The following OSBPL7 variants were observed in gnomAD, a reference collection of about 807,000 sequenced individuals.
OSBPL7 encodes the protein oxysterol-binding protein-related protein 7.
OSBPL7 carries 66 observed loss-of-function variants against 115.8 expected under a neutral mutation model. The observed-to-expected ratio is 0.57, with a 90% CI of 0.47 to 0.70. The LOEUF is 0.70. Among genes scored for constraint, OSBPL7 ranks in the 30% least tolerant of loss-of-function variants. The probability of loss-of-function intolerance (pLI) is 0.00; values close to 1 mark genes in which losing one functional copy is unlikely to be tolerated. For synonymous variants in OSBPL7, 441 were observed against 439.2 expected (o/e 1.00, Z -0.05); for missense variants, 902 against 1,125.5 (o/e 0.80, Z 2.84).
chr17:47,818,851 A>G lies in OSBPL7; in HGVS notation c.369+135T>C, dbSNP rs554099809. ...CAGGTTTGCCCTTGGCTGTTTTTAC[A>G]GGATGGAAACTTACTTTTTGTCAAA... is the stretch of plus-strand genomic sequence containing the variant. On this transcript the variant is annotated intron_variant, in intron 5 of 22. Coordinates refer to ENST00000007414, the MANE Select transcript of OSBPL7 (RefSeq NM_145798.3). 1.3e-5 allele frequency: 11 copies of G among 859,116 alleles called. No individual in the cohort carries two copies. The African/African-American group carries it at 1.7e-4, about 13-fold the overall frequency. The allele number at this position is 859,116 out of a possible 1,614,324, so 53.2% of individuals were successfully genotyped here.
At position 47,816,270 on chromosome 17, in the gene OSBPL7, C is replaced by T; in HGVS notation, c.1024-68G>A. On this transcript the variant is annotated intron_variant, in intron 11 of 22. Coordinates refer to ENST00000007414, the MANE Select transcript of OSBPL7 (RefSeq NM_145798.3). The surrounding 1 kb of genome is among the most constrained non-coding windows in gnomAD (Gnocchi z 5.8). The stretch of plus-strand genomic sequence containing the variant: ...TCCTCCCCACCTTGCCGCATCTCTG[C>T]AGAGACTGCCTCTGCCAACCCCCCA... 2 of 1,503,896 alleles carry T rather than the reference C, an allele frequency of 1.3e-6. No homozygotes were observed. Among genetic ancestry groups the T allele is most frequent in the Non-Finnish European group, 1.8e-6 (2 of 1,113,148 alleles). The allele number at this position is 1,503,896 out of a possible 1,614,324, so 93.2% of individuals were successfully genotyped here. A position where few individuals can be genotyped will look rare whatever the true frequency, so the allele number is the denominator to read the frequency against.
chr17:47,808,420 C>T lies in OSBPL7; in HGVS notation c.2421-21G>A, dbSNP rs376957469. The T allele has an allele frequency of 8.1e-6, 13 of 1,613,714 alleles. No individual in the cohort carries two copies. In the African/African-American group the frequency reaches 1.5e-4, roughly 18 times the overall value. ...GCCGCCTGGTGGGAGAAGGCGGTGG[C>T]AGTGAGGGGTGAACATCTAGAAGGC... On this transcript the variant is annotated intron_variant, in intron 22 of 22. Transcript: ENST00000007414. The surrounding 1 kb of genome is among the most constrained non-coding windows in gnomAD (Gnocchi z 6.1).
intron 2 of OSBPL7, 33 bp from the exon 3 acceptor site, chr17:47,820,129 G>A: frequency 1.2e-6 from 2 of 1,613,328 alleles, no homozygotes; most frequent in Non-Finnish European, 1.7e-6. Flanking sequence ...GGGAGCACTG[G>A]TGAGACGTCC....
At position 47,816,992 on chromosome 17, in the gene OSBPL7, C is replaced by A; in HGVS notation, c.703-120G>T. The A allele has an allele frequency of 3.0e-6, 3 of 1,001,464 alleles. No homozygotes were observed. Among genetic ancestry groups the A allele is most frequent in the South Asian group, 1.3e-5 (1 of 74,782 alleles). 62.0% of individuals were successfully genotyped at this position (1,001,464 alleles called of 1,614,324 possible). A position where few individuals can be genotyped will look rare whatever the true frequency, so the allele number is the denominator to read the frequency against. On this transcript the variant is annotated intron_variant, in intron 8 of 22. Coordinates refer to ENST00000007414, the MANE Select transcript of OSBPL7 (RefSeq NM_145798.3). This position sits in a 1 kb window ranked among gnomAD's most constrained non-coding sequence, Gnocchi z 5.8. ...ATGGAGGAGGGCGCAGATTACCCAG[C>A]ACAGAGGATGCGGCCGCTCAGGCAG... is the stretch of plus-strand genomic sequence containing the variant.
chr17:47,810,548 G>A (rs374765134), intron 18 of OSBPL7, 46 bp downstream of exon 18: 7 of 1,550,700 alleles, frequency 4.5e-6, no homozygotes, highest in African/African-American at 1.4e-5. Flanking sequence ...CAGCCTGAAG[G>A]ATTGCCTGTG....
At chr17:47,811,762 C>A (rs1277283309) in intron 16 of OSBPL7, among the ~76,000 whole-genome samples, 3 of 152,208 alleles carry the variant, frequency 2.0e-5, no homozygotes, top group Non-Finnish European at 4.4e-5. Flanking sequence ...GCTGCCCACT[C>A]CTCCTCCTTC....
In OSBPL7 at chr17:47,820,237, G is replaced by C; in HGVS notation, c.42C>G (p.Ser14Arg). The stretch of plus-strand genomic sequence containing the variant: ...CACTGCTGGGCTTTGAGGACTGAGC[G>C]CTCTCAGGCAGGAAGGGCGGGTCCC... The part of the protein sequence containing the change: ...QERDPPFLPE[S>R]AQSSKPSSAQ... The change falls in exon 2 of 23, where the codon AGC becomes AGG. Residue 14 changes from serine (S) to arginine (R), a missense_variant. Physicochemically the swap from Ser to Arg is moderately radical, Grantham distance 110 (BLOSUM62 -1). Coordinates refer to ENST00000007414, the MANE Select transcript of OSBPL7 (RefSeq NM_145798.3). 1 of 1,613,986 alleles carries C rather than the reference G, an allele frequency of 6.2e-7. No individual in the cohort carries two copies. The highest frequency in any genetic ancestry group is 8.5e-7 in the Non-Finnish European group (1 of 1,179,974).
intron 5 of OSBPL7, 41 bp from the exon 6 acceptor site, chr17:47,818,657 G>A (rs1249933934): frequency 6.5e-7 from 1 of 1,537,248 alleles, no homozygotes; most frequent in South Asian, 1.1e-5. Flanking sequence ...TCTGAAGAGA[G>A]GGACCACTTT....
rs1337010372 is a variant in OSBPL7 at position 47,820,356 on chromosome 17, T to C, written c.-78A>G. 1.2e-5 allele frequency: 17 copies of C among 1,408,914 alleles called. No individual in the cohort carries two copies. The highest frequency in any genetic ancestry group is 3.9e-6 in the Non-Finnish European group (4 of 1,032,186). 87.3% of individuals were successfully genotyped at this position (1,408,914 alleles called of 1,614,324 possible). A position where few individuals can be genotyped will look rare whatever the true frequency, so the allele number is the denominator to read the frequency against. ...GAAGGGGAAGGATGTCACCTGCTCC[T>C]GACGGGGTCCTTGAAGCAAGAGAAA... On this transcript the variant is annotated 5_prime_UTR_variant, in exon 2 of 23. Transcript: ENST00000007414.
chr17:47,817,705 C>T (rs2033269591), intron 7 of OSBPL7, among the ~76,000 whole-genome samples: 2 of 152,108 alleles, frequency 1.3e-5, no homozygotes, highest in South Asian at 4.2e-4. Context: ...GGACATGACT[C>T]TCCCAACACT....
In OSBPL7 at chr17:47,818,931, C is replaced by A. The variant is rs142412455; in HGVS notation, c.369+55G>T. 4.1e-6 allele frequency: 6 copies of A among 1,462,262 alleles called. No homozygotes were observed. The African/African-American group carries it at 6.9e-5, about 17-fold the overall frequency. The allele number at this position is 1,462,262 out of a possible 1,614,324, so 90.6% of individuals were successfully genotyped here. A position where few individuals can be genotyped will look rare whatever the true frequency, so the allele number is the denominator to read the frequency against. ...CCTCAGCCCCTGCCCCTGTGTGTTC[C>A]AATGCCTCTGTCAGGTTGGGGGCCA... On this transcript the variant is annotated intron_variant, in intron 5 of 22. Coordinates refer to ENST00000007414, the MANE Select transcript of OSBPL7 (RefSeq NM_145798.3).
chr17:47,815,686 A>C (rs1598021065), intron 12 of OSBPL7: 1 of 334,000 alleles, frequency 3.0e-6, no homozygotes, highest in Non-Finnish European at 5.5e-6. Context: ...TATCACCCCC[A>C]CTTTGCAGAT....
Position 47,816,357 on chromosome 17 carries a change from C to T in OSBPL7, c.1023+31G>A, listed in dbSNP as rs141030924. 2.1e-4 allele frequency: 316 copies of T among 1,489,602 alleles called. No individual in the cohort carries two copies. The highest frequency in any genetic ancestry group is 2.7e-4 in the Non-Finnish European group (305 of 1,115,824). 92.3% of individuals were successfully genotyped at this position (1,489,602 alleles called of 1,614,324 possible). On this transcript the variant is annotated intron_variant, in intron 11 of 22. Transcript: ENST00000007414. This position sits in a 1 kb window ranked among gnomAD's most constrained non-coding sequence, Gnocchi z 5.8. The stretch of plus-strand genomic sequence containing the variant: ...AGTCCTCAGCTTGAAGCCCTCTCCC[C>T]GCACCAGTCACCCTGTCCCCCAGGC...
Position 47,818,683 on chromosome 17 carries a change from C to T in OSBPL7, c.370-67G>A. On this transcript the variant is annotated intron_variant, in intron 5 of 22. Transcript: ENST00000007414. ...GGACCACTTTCCAAGAGCAAGAAGT[C>T]AGGGCTCTGGTCCCCAGACAAGCAG... is the stretch of plus-strand genomic sequence containing the variant. 2.9e-6 allele frequency: 4 copies of T among 1,357,202 alleles called. No homozygotes were observed. The East Asian group carries it at 9.3e-5, about 32-fold the overall frequency. 84.1% of individuals were successfully genotyped at this position (1,357,202 alleles called of 1,614,324 possible).
intron 7 of OSBPL7, 143 bp downstream of exon 7, chr17:47,818,126 C>A (rs1334194732): frequency 4.3e-6 from 3 of 697,292 alleles, no homozygotes; most frequent in Non-Finnish European, 7.1e-6. Context: ...AGACAGGGCC[C>A]AGGTAGACTG....
At chr17:47,813,135 G>T (rs1567940658) in intron 16 of OSBPL7, 131 bp downstream of exon 16, 3 of 1,267,230 alleles carry the variant, frequency 2.4e-6, no homozygotes, top group Non-Finnish European at 3.2e-6. Context: ...GCACCGCAGA[G>T]CCCGGCACAG....
chr17:47,817,201 G>T, intron 8 of OSBPL7, 55 bp downstream of exon 8: 1 of 1,360,450 alleles, frequency 7.4e-7, no homozygotes, highest in East Asian at 2.3e-5. Context: ...CCATCCTGGG[G>T]AAGTGATGGG....
intron 5 of OSBPL7, among the ~76,000 whole-genome samples, 155 bp from the exon 6 acceptor site, chr17:47,818,771 G>A (rs764871754): frequency 3.9e-5 from 6 of 152,272 alleles, no homozygotes; most frequent in Admixed American, 6.5e-5. Flanking sequence ...AGCGCAAGGC[G>A]CCCAGGTGTC....
intron 3 of OSBPL7, 94 bp downstream of exon 3, chr17:47,819,877 T>G: frequency 6.2e-7 from 1 of 1,608,434 alleles, no homozygotes; most frequent in South Asian, 1.1e-5. Flanking sequence ...CTTTTCCTTC[T>G]CATCATGCAA....
Sources: gnomAD v4.1 joint callset for allele counts (sites outside exome capture counted in the v4.1 genomes callset) on GRCh38, gnomAD v4.1.1 for gene constraint, Gnocchi (gnomAD v3.1) non-coding constraint, MANE v1.5 for transcripts, NCBI Gene and HGNC (gene_info 2026-07-23, HGNC 2026-07-21) for gene names.